Variants in STK38 observed in about 807,000 individuals in gnomAD.
STK38 encodes serine/threonine-protein kinase 38.
Under a neutral mutation model 59.0 loss-of-function variants are expected in STK38, and 26 were observed. The ratio of observed to expected loss-of-function variants is 0.44; its 90% CI spans 0.32 to 0.61. The LOEUF (loss-of-function observed/expected upper bound fraction) is 0.61, where lower values mean the gene tolerates loss of function less well. Among genes scored for constraint, STK38 ranks in the 20% least tolerant of loss-of-function variants. The pLI, the probability that STK38 is intolerant of heterozygous loss-of-function variation, is 0.04. For synonymous variants in STK38, 175 were observed against 176.6 expected (o/e 0.99, Z 0.07); for missense variants, 433 against 566.0 (o/e 0.76, Z 2.38).
chr6:36,528,537 C>T (rs559030678), intron 2 of STK38, among the ~76,000 whole-genome samples: 11 of 152,054 alleles, frequency 7.2e-5, no homozygotes, highest in Admixed American at 1.3e-4. Context: ...GAGAGGAACA[C>T]GAACAGTTCT....
intron 7 of STK38, among the ~76,000 whole-genome samples, chr6:36,509,847 C>G (rs1391390457): frequency 4.6e-5 from 7 of 152,134 alleles, no homozygotes; most frequent in African/African-American, 1.7e-4. Context: ...TGGCACCCAT[C>G]AAGTCTGTAG....
chr6:36,542,448 T>C (rs954994717), intron 1 of STK38, among the ~76,000 whole-genome samples: 3 of 152,068 alleles, frequency 2.0e-5, no homozygotes, highest in African/African-American at 7.2e-5. Context: ...ACACCACCAA[T>C]GTGTTTAGAT....
intron 2 of STK38, among the ~76,000 whole-genome samples, chr6:36,533,106 T>C (rs1777707654): frequency 6.7e-6 from 1 of 149,954 alleles, no homozygotes; most frequent in Non-Finnish European, 1.5e-5. Flanking sequence ...AAAAAAGATC[T>C]ACAAGGATAT....
intron 2 of STK38, among the ~76,000 whole-genome samples, chr6:36,531,466 T>C (rs987618332): frequency 1.3e-5 from 2 of 152,248 alleles, no homozygotes; most frequent in Non-Finnish European, 2.9e-5. Flanking sequence ...CATTGTTTTT[T>C]AATGAAAAAG....
At chr6:36,521,899 T>A in intron 4 of STK38, 82 bp from the exon 5 acceptor site, 1 of 1,115,084 alleles carries the variant, frequency 9.0e-7, no homozygotes, top group Non-Finnish European at 1.3e-6. Flanking sequence ...ATGCAATAAT[T>A]AACTGAAAAA....
At chr6:36,513,848 TA>T (rs1178706954) in intron 7 of STK38, among the ~76,000 whole-genome samples, 7,857 of 63,792 alleles carry the variant, frequency 0.12, 206 homozygotes, top group African/African-American at 0.21. Flanking sequence ...TACTAAAAAT[TA>T]AAAAAAAAAA....
chr6:36,540,657 G>C (rs1034221298), intron 1 of STK38, among the ~76,000 whole-genome samples: 2 of 151,812 alleles, frequency 1.3e-5, no homozygotes, highest in African/African-American at 4.8e-5. Context: ...ATGGAGTTTC[G>C]CTCTTGTTGC....
At chr6:36,537,437 G>C (rs919691316) in intron 2 of STK38, among the ~76,000 whole-genome samples, 13 of 152,042 alleles carry the variant, frequency 8.6e-5, no homozygotes, top group Admixed American at 3.9e-4. Context: ...TCACAAGATT[G>C]GTACAAAAAT....
At chr6:36,526,855 C>T (rs1187341801) in intron 2 of STK38, among the ~76,000 whole-genome samples, 3 of 151,476 alleles carry the variant, frequency 2.0e-5, no homozygotes, top group East Asian at 3.9e-4. Flanking sequence ...GATCACACCA[C>T]TCACTGCACT....
intron 2 of STK38, among the ~76,000 whole-genome samples, chr6:36,533,615 A>G (rs1777721697): frequency 6.6e-6 from 1 of 152,230 alleles, no homozygotes. Context: ...ATTTATTAAT[A>G]ATGTAAATAA....
At position 36,542,798 on chromosome 6, in the gene STK38, T is replaced by C. The variant is rs939918068; in HGVS notation, c.-5-2591A>G. Among the ~76,000 whole-genome samples the C allele has an allele frequency of 1.2e-4, 18 of 150,526 alleles. No individual in the cohort carries two copies. In the South Asian group the frequency reaches 1.3e-3, roughly 11 times the overall value. On this transcript the variant is annotated intron_variant, in intron 1 of 13. Coordinates refer to ENST00000229812, the MANE Select transcript of STK38 (RefSeq NM_007271.4). ...CCGTCTCTACTAAAAACACAAAAATTAGCTGTGCGTGGTGGCAGGCGCCTA... is the reference window on the plus strand; with the variant it reads ...CCGTCTCTACTAAAAACACAAAAATCAGCTGTGCGTGGTGGCAGGCGCCTA...
intron 2 of STK38, among the ~76,000 whole-genome samples, chr6:36,528,352 G>C (rs1010179267): frequency 6.6e-6 from 1 of 152,150 alleles, no homozygotes; most frequent in Non-Finnish European, 1.5e-5. Context: ...GGCTAGTTGA[G>C]AGTTATTGTA....
chr6:36,517,574 G>A, intron 6 of STK38, 143 bp downstream of exon 6: 3 of 1,025,004 alleles, frequency 2.9e-6, no homozygotes, highest in Non-Finnish European at 2.8e-6. Context: ...ACAGGTTACT[G>A]ACTTCCTTTA....
intron 11 of STK38, 39 bp from the exon 12 acceptor site, chr6:36,497,914 T>G: frequency 7.5e-7 from 1 of 1,328,786 alleles, no homozygotes. Context: ...TCTCAAGCAG[T>G]CTCCTCAGAA....
Position 36,499,917 on chromosome 6 carries a change from C to T in STK38, c.908G>A (p.Cys303Tyr), listed in dbSNP as rs776783643. 1 of 1,614,118 alleles carries T rather than the reference C, an allele frequency of 6.2e-7. No homozygotes were observed. The highest frequency in any genetic ancestry group is 2.2e-5 in the East Asian group (1 of 44,876). The change falls in exon 10 of 14, where the codon TGT becomes TAT. Residue 303 changes from cysteine to tyrosine, a missense_variant. Coordinates refer to ENST00000229812, the MANE Select transcript of STK38 (RefSeq NM_007271.4). ...VFMQTGYNKL[C>Y]DWWSLGVIMY... ...GATCACCCCAAGCGACCACCAATCACAGAGCTTGTTGTACCCGGTCTGCAT... is the reference window on the plus strand; with the variant it reads ...GATCACCCCAAGCGACCACCAATCATAGAGCTTGTTGTACCCGGTCTGCAT...
intron 9 of STK38, among the ~76,000 whole-genome samples, chr6:36,501,797 T>C (rs892048604): frequency 6.6e-6 from 1 of 152,248 alleles, no homozygotes; most frequent in Non-Finnish European, 1.5e-5. Context: ...CCGTATGCTA[T>C]ACTGTTATAT....
At position 36,494,787 on chromosome 6, in the gene STK38, T is replaced by C. The variant is rs1776659207; in HGVS notation, c.*997A>G. The C allele has an allele frequency of 6.6e-6, 1 of 152,532 alleles. No individual in the cohort carries two copies. The highest frequency in any genetic ancestry group is 6.5e-5 in the Admixed American group (1 of 15,282). The allele number at this position is 152,532 out of a possible 1,614,324, so 9.4% of individuals were successfully genotyped here. ...CTTGTCAGCTGGCTCTGTACTTCTA[T>C]TGGGCTGGTTCCTTCACCATTTCCA... On this transcript the variant is annotated 3_prime_UTR_variant, in exon 14 of 14. Coordinates refer to ENST00000229812, the MANE Select transcript of STK38 (RefSeq NM_007271.4).
intron 1 of STK38, among the ~76,000 whole-genome samples, chr6:36,545,616 GTAAT>G (rs927896698): frequency 6.6e-6 from 1 of 152,134 alleles, no homozygotes; most frequent in African/African-American, 2.4e-5. Flanking sequence ...ATCAAAAGAT[GTAAT>G]TAATATTGCC....
At chr6:36,528,836 C>T (rs546444540) in intron 2 of STK38, among the ~76,000 whole-genome samples, 1 of 152,342 alleles carries the variant, frequency 6.6e-6, no homozygotes, top group Non-Finnish European at 1.5e-5. Flanking sequence ...CAGTCCAATG[C>T]ACTATCCACT....
Sources: gnomAD v4.1 joint callset for allele counts (sites outside exome capture counted in the v4.1 genomes callset) on GRCh38, gnomAD v4.1.1 for gene constraint, MANE v1.5 for transcripts, NCBI Gene and HGNC (gene_info 2026-07-23, HGNC 2026-07-21) for gene names.